LGR6: variants seen among roughly 807,000 people sequenced by gnomAD.
LGR6 encodes leucine-rich repeat-containing G protein-coupled receptor 6.
A neutral mutation model predicts 69.4 loss-of-function variants in LGR6; 45 were observed. The observed-to-expected ratio is 0.65, with a 90% confidence interval of 0.51 to 0.83. The LOEUF is 0.83. Ranked by LOEUF, LGR6 falls within the 40% of genes least tolerant of loss-of-function variation. The pLI, the probability that LGR6 is intolerant of heterozygous loss-of-function variation, is 0.00. For missense variants in LGR6, 1,108 were observed against 1,246.7 expected (o/e 0.89, Z 1.68); for synonymous variants, 538 against 555.0 (o/e 0.97, Z 0.43).
intron 4 of LGR6, among the ~76,000 whole-genome samples, chr1:202,243,747 G>T (rs1662402654): frequency 6.6e-6 from 1 of 152,146 alleles, no homozygotes; most frequent in African/African-American, 2.4e-5. Context: ...GCCCAAGTGG[G>T]AGCCCTGGGT....
chr1:202,244,340 G>A (rs868236385), intron 4 of LGR6, among the ~76,000 whole-genome samples: 1 of 152,232 alleles, frequency 6.6e-6, no homozygotes. Flanking sequence ...AGAAAAGGAT[G>A]TGGTATCGGT....
chr1:202,284,334 C>T (rs1262916700), intron 6 of LGR6, among the ~76,000 whole-genome samples: 1 of 152,188 alleles, frequency 6.6e-6, no homozygotes, highest in East Asian at 1.9e-4. Context: ...CCCGAACTTG[C>T]TGGGAAATTG....
At chr1:202,203,087 C>A (rs61821569) in intron 1 of LGR6, among the ~76,000 whole-genome samples, 12,971 of 152,218 alleles carry the variant, frequency 0.085, 726 homozygotes, top group Admixed American at 0.14. Context: ...TCTTGCAGGG[C>A]AGATGAAGTG....
chr1:202,218,114 G>C (rs973210260), intron 1 of LGR6, among the ~76,000 whole-genome samples: 3 of 152,202 alleles, frequency 2.0e-5, no homozygotes, highest in African/African-American at 7.2e-5. Flanking sequence ...TGGGTGGAAA[G>C]AGCATCCCCC....
At chr1:202,232,017 G>C (rs112375109) in intron 3 of LGR6, among the ~76,000 whole-genome samples, 1 of 151,800 alleles carries the variant, frequency 6.6e-6, no homozygotes. Flanking sequence ...ACTTGAGCCC[G>C]GGAGGTGGAG....
chr1:202,238,620 T>C (rs914763278), intron 4 of LGR6, among the ~76,000 whole-genome samples: 1 of 151,944 alleles, frequency 6.6e-6, no homozygotes, highest in African/African-American at 2.4e-5. Context: ...GACGGGGGTT[T>C]CACCATATTG....
At chr1:202,277,060 C>T (rs2153005) in intron 5 of LGR6, among the ~76,000 whole-genome samples, 11,107 of 152,192 alleles carry the variant, frequency 0.073, 522 homozygotes, top group Middle Eastern at 0.12. Flanking sequence ...AACTCTGCCT[C>T]CCCAGTGGGA....
intron 3 of LGR6, among the ~76,000 whole-genome samples, chr1:202,231,780 A>T (rs1661099608): frequency 6.6e-6 from 1 of 151,984 alleles, no homozygotes; most frequent in Non-Finnish European, 1.5e-5. Flanking sequence ...TTTTTTTTTT[A>T]AAGGAAACTT....
chr1:202,297,402 A>G (rs1667239867), intron 6 of LGR6, 106 bp from the exon 7 acceptor site: 2 of 843,816 alleles, frequency 2.4e-6, no homozygotes, highest in Admixed American at 2.3e-5. Flanking sequence ...ACAGATTGGA[A>G]AACCCATCTC....
rs809819 is a variant in LGR6 at position 202,253,951 on chromosome 1, A to G, written c.428+17958A>G. ...CTCCCAAGTAGCTGGGACTACAGGC[A>G]CCCGCCACTACGCCCGGCTAATTTT... On this transcript the variant is annotated intron_variant, in intron 4 of 17. Coordinates refer to ENST00000367278, the MANE Select transcript of LGR6 (RefSeq NM_001017403.2). Among the ~76,000 whole-genome samples, 51 of 143,522 alleles carry G rather than the reference A, an allele frequency of 3.6e-4. 1 individual carries two copies. The highest frequency in any genetic ancestry group is 3.6e-4 in the African/African-American group (14 of 39,178). The allele number at this position is 143,522 out of a possible 152,430, so 94.2% of individuals were successfully genotyped here.
chr1:202,244,939 GT>G (rs1313958010), intron 4 of LGR6, among the ~76,000 whole-genome samples: 3 of 152,228 alleles, frequency 2.0e-5, no homozygotes, highest in African/African-American at 7.2e-5. Context: ...CCCACAGCTG[GT>G]TGGAGAAGGG....
At chr1:202,226,694 G>A (rs1458242694) in intron 2 of LGR6, among the ~76,000 whole-genome samples, 1 of 152,220 alleles carries the variant, frequency 6.6e-6, no homozygotes, top group Non-Finnish European at 1.5e-5. Flanking sequence ...TCCAGGTGAG[G>A]CTGAAGAGTA....
rs904062667 is a variant in LGR6 at position 202,235,810 on chromosome 1, G to A, written c.357-112G>A. On this transcript the variant is annotated intron_variant, in intron 3 of 17. Transcript: ENST00000367278. ...ACTCTCTCTGGGGCTCTGAGGCTGGGGTGAGAAGGAGGGGTCTGGCTTGGG... is the reference window on the plus strand; with the variant it reads ...ACTCTCTCTGGGGCTCTGAGGCTGGAGTGAGAAGGAGGGGTCTGGCTTGGG... 8.4e-6 allele frequency: 7 copies of A among 829,968 alleles called. No individual in the cohort carries two copies. In the African/African-American group the frequency reaches 1.2e-4, roughly 14 times the overall value. The allele number at this position is 829,968 out of a possible 1,614,324, so 51.4% of individuals were successfully genotyped here.
intron 4 of LGR6, among the ~76,000 whole-genome samples, chr1:202,246,769 A>G (rs1662742741): frequency 2.0e-5 from 3 of 152,332 alleles, no homozygotes; most frequent in South Asian, 4.1e-4. Flanking sequence ...AGTGTGTGTA[A>G]TAAAAATCAT....
intron 16 of LGR6, among the ~76,000 whole-genome samples, chr1:202,311,322 A>G (rs1653702155): frequency 6.6e-6 from 1 of 152,266 alleles, no homozygotes; most frequent in South Asian, 2.1e-4. Context: ...GCATTGGACC[A>G]GTCATGTAAC....
chr1:202,212,826 A>G (rs987760880), intron 1 of LGR6, among the ~76,000 whole-genome samples: 2 of 151,836 alleles, frequency 1.3e-5, no homozygotes, highest in African/African-American at 2.4e-5. Flanking sequence ...CATCCACCAC[A>G]CTTTCCCTCA....
intron 1 of LGR6, among the ~76,000 whole-genome samples, chr1:202,195,519 A>G (rs1235043199): frequency 2.0e-5 from 3 of 152,174 alleles, no homozygotes; most frequent in Non-Finnish European, 4.4e-5. Flanking sequence ...GACAAATGGA[A>G]TCCTTCACAG....
chr1:202,217,086 C>T (rs1217718144), intron 1 of LGR6, among the ~76,000 whole-genome samples: 2 of 152,212 alleles, frequency 1.3e-5, no homozygotes, highest in Non-Finnish European at 2.9e-5. Context: ...GGCCTAAGTC[C>T]CTCCCAGGAG....
At chr1:202,243,942 TTTGTTGTTGTTG>T (rs3062624) in intron 4 of LGR6, among the ~76,000 whole-genome samples, 11 of 150,456 alleles carry the variant, frequency 7.3e-5, no homozygotes, top group African/African-American at 2.5e-4. Flanking sequence ...ACAAAGTCTT[TTTGTTGTTGTTG>T]TTGTTGTTGT....
Sources: gnomAD v4.1 joint callset for allele counts (sites outside exome capture counted in the v4.1 genomes callset) on GRCh38, gnomAD v4.1.1 for gene constraint, MANE v1.5 for transcripts, NCBI Gene and HGNC (gene_info 2026-07-23, HGNC 2026-07-21) for gene names.